RGS6: variants seen among roughly 807,000 people sequenced by gnomAD.
RGS6 encodes regulator of G protein signaling 6.
Under a neutral mutation model 78.5 loss-of-function variants are expected in RGS6, and 30 were observed. The observed-to-expected ratio is 0.38, with a 90% confidence interval of 0.29 to 0.52. The LOEUF (loss-of-function observed/expected upper bound fraction) is 0.52, where lower values mean the gene tolerates loss of function less well. Ranked by LOEUF, RGS6 falls within the 20% of genes least tolerant of loss-of-function variation. The pLI is 0.85. For synonymous variants in RGS6, 206 were observed against 206.0 expected (o/e 1.00, Z 0.00); for missense variants, 495 against 609.7 (o/e 0.81, Z 1.98).
At chr14:71,879,363 G>A in the RGS6 span, among the ~76,000 whole-genome samples, 61 of 152,318 alleles carry the variant, frequency 4.0e-4, 1 homozygote, top group African/African-American at 1.3e-3. Context: ...TGTGGCTTAA[G>A]AGAATTGACT....
chr14:72,538,210 T>G (rs2097275107), intron 16 of RGS6, among the ~76,000 whole-genome samples: 1 of 152,218 alleles, frequency 6.6e-6, no homozygotes, highest in Non-Finnish European at 1.5e-5. Flanking sequence ...ATTCTTCTGA[T>G]TTCAGGGACG....
intron 2 of RGS6, among the ~76,000 whole-genome samples, chr14:72,268,340 TTTTC>T (rs575770379): frequency 6.6e-6 from 1 of 152,192 alleles, no homozygotes; most frequent in Non-Finnish European, 1.5e-5. Flanking sequence ...TTCTGTAATG[TTTTC>T]TTTCTTTCTT....
At chr14:72,050,314 T>C (rs2093149142) in intron 2 of RGS6, among the ~76,000 whole-genome samples, 1 of 152,258 alleles carries the variant, frequency 6.6e-6, no homozygotes, top group African/African-American at 2.4e-5. Flanking sequence ...ATTGTAATAC[T>C]GAATATATTT....
chr14:71,961,897 G>T (rs889445849), intron 1 of RGS6, among the ~76,000 whole-genome samples: 1 of 152,088 alleles, frequency 6.6e-6, no homozygotes, highest in Admixed American at 6.5e-5. Flanking sequence ...CCATTTAAAA[G>T]AAGTATTTTA....
chr14:72,434,714 G>A (rs1220934837), intron 3 of RGS6, among the ~76,000 whole-genome samples: 2 of 152,144 alleles, frequency 1.3e-5, no homozygotes, highest in Non-Finnish European at 2.9e-5. Context: ...AATATAGAAG[G>A]CCCTCATGTT....
At chr14:72,008,651 C>T (rs999835199) in intron 2 of RGS6, among the ~76,000 whole-genome samples, 5 of 152,142 alleles carry the variant, frequency 3.3e-5, no homozygotes, top group African/African-American at 4.8e-5. Context: ...GGATCCCTCA[C>T]GGTGGGGAAA....
intron 2 of RGS6, among the ~76,000 whole-genome samples, chr14:72,101,488 G>A (rs1023975566): frequency 2.2e-4 from 33 of 152,296 alleles, no homozygotes; most frequent in African/African-American, 7.5e-4. Context: ...AGAATACTGC[G>A]CTCTAGTAAC....
chr14:72,227,599 GTTGT>G (rs2048423103), intron 2 of RGS6, among the ~76,000 whole-genome samples: 1 of 152,318 alleles, frequency 6.6e-6, no homozygotes, highest in South Asian at 2.1e-4. Flanking sequence ...AAAATCGTAA[GTTGT>G]AATTTGGCCT....
intron 2 of RGS6, among the ~76,000 whole-genome samples, chr14:72,033,409 A>T (rs1306538010): frequency 1.3e-5 from 2 of 151,276 alleles, no homozygotes; most frequent in East Asian, 3.9e-4. Flanking sequence ...ATTTTTTTTT[A>T]TTATTTGTAG....
intron 2 of RGS6, among the ~76,000 whole-genome samples, chr14:72,127,295 A>G (rs999890780): frequency 1.8e-4 from 27 of 152,198 alleles, no homozygotes; most frequent in African/African-American, 6.0e-4. Context: ...AAAAGTATGA[A>G]TTGTTACCTT....
In RGS6 at chr14:71,982,005, C is replaced by T. The variant is rs1427393767; in HGVS notation, c.84+17130C>T. ...ATCTCGTGGTGCGCCGTTTTTTAAG[C>T]CCGTCGGAAAAGCGCAGTATTCGGG... On this transcript the variant is annotated intron_variant, in intron 2 of 17. Transcript: ENST00000553525. Among the ~76,000 whole-genome samples the T allele has an allele frequency of 2.0e-5, 3 of 152,126 alleles. No homozygotes were observed. In the East Asian group the frequency reaches 5.8e-4, roughly 29 times the overall value.
chr14:71,985,370 C>T (rs2094657588), intron 2 of RGS6, among the ~76,000 whole-genome samples: 1 of 152,198 alleles, frequency 6.6e-6, no homozygotes, highest in Non-Finnish European at 1.5e-5. Flanking sequence ...GATCCGCCCA[C>T]CTTGGCCTCC....
intron 2 of RGS6, among the ~76,000 whole-genome samples, chr14:72,223,679 A>C (rs2047416130): frequency 6.6e-6 from 1 of 152,248 alleles, no homozygotes; most frequent in Non-Finnish European, 1.5e-5. Context: ...CTTATTCCAG[A>C]GTCAGGAAGA....
chr14:72,603,387 G>A, the RGS6 span, among the ~76,000 whole-genome samples: 10 of 152,222 alleles, frequency 6.6e-5, no homozygotes, highest in Non-Finnish European at 1.5e-4. Flanking sequence ...CAGGGGAGGA[G>A]ATCTGCTTCT....
At chr14:72,470,645 A>AG (rs112868757) in intron 8 of RGS6, among the ~76,000 whole-genome samples, 30,562 of 151,652 alleles carry the variant, frequency 0.2, 3,283 homozygotes, top group Middle Eastern at 0.28. Context: ...TGTGAGACCG[A>AG]GGTGGGGGTG....
intron 2 of RGS6, among the ~76,000 whole-genome samples, chr14:72,246,047 A>G (rs1164340739): frequency 6.6e-6 from 1 of 152,216 alleles, no homozygotes; most frequent in Non-Finnish European, 1.5e-5. Flanking sequence ...AATATTCAGT[A>G]TTCCAAGTCA....
intron 2 of RGS6, among the ~76,000 whole-genome samples, chr14:72,095,660 CAG>C (rs958465662): frequency 9.2e-5 from 14 of 152,164 alleles, no homozygotes; most frequent in African/African-American, 3.1e-4. Flanking sequence ...TCACAAGGAA[CAG>C]AGAGGGAACG....
chr14:71,869,945 TG>T, the RGS6 span, among the ~76,000 whole-genome samples: 67 of 152,338 alleles, frequency 4.4e-4, no homozygotes, highest in African/African-American at 1.5e-3. Flanking sequence ...GCTTGCTGGA[TG>T]CCAGCACCTT....
chr14:72,367,599 T>G (rs1001623036), intron 3 of RGS6, among the ~76,000 whole-genome samples: 2 of 152,282 alleles, frequency 1.3e-5, no homozygotes, highest in African/African-American at 2.4e-5. Flanking sequence ...CAAATAATTT[T>G]CAGAAAATAT....
Sources: gnomAD v4.1 joint callset for allele counts (sites outside exome capture counted in the v4.1 genomes callset) on GRCh38, gnomAD v4.1.1 for gene constraint, MANE v1.5 for transcripts, NCBI Gene and HGNC (gene_info 2026-07-23, HGNC 2026-07-21) for gene names.